The following NRIP1 variants were observed in gnomAD, a reference collection of about 807,000 sequenced individuals.
NRIP1 encodes the protein nuclear receptor interacting protein 1, also known as nuclear receptor-interacting protein 1.
Under a neutral mutation model 75.0 loss-of-function variants are expected in NRIP1, and 28 were observed. The ratio of observed to expected loss-of-function variants is 0.37; its 90% CI spans 0.28 to 0.51. NRIP1 has a LOEUF of 0.51. Among genes scored for constraint, NRIP1 ranks in the 20% least tolerant of loss-of-function variants. The pLI is 0.92. For missense variants in NRIP1, 1,435 were observed against 1,343.7 expected (o/e 1.07, Z -1.06); for synonymous variants, 526 against 487.6 (o/e 1.08, Z -1.04).
At chr21:15,050,968 T>C (rs768546454) in intron 1 of NRIP1, 4 of 450,570 alleles carry the variant, frequency 8.9e-6, no homozygotes, top group Non-Finnish European at 1.8e-5. Flanking sequence ...TACACACCTA[T>C]AGCTTATTAG....
rs533170419 is a variant in NRIP1 at position 15,025,802 on chromosome 21, G to T, written c.-457-11336C>A. Among the ~76,000 whole-genome samples, 5 of 152,238 alleles carry T rather than the reference G, an allele frequency of 3.3e-5. 1 individual carries two copies. The highest frequency in any genetic ancestry group is 2.1e-4 in the South Asian group (1 of 4,824). On this transcript the variant is annotated intron_variant, in intron 2 of 3. Coordinates refer to ENST00000318948, the MANE Select transcript of NRIP1 (RefSeq NM_003489.4). ...AACAGAAGACAACCCTAAAGGAAAA[G>T]ATATTCTACATAATTACGGGCCGAC...
rs1486673115 is a variant in NRIP1, at chr21:14,962,011, CATATTATATATATATATATATATAT to C, written c.*2680_*2704del. On this transcript the variant is annotated 3_prime_UTR_variant, in exon 4 of 4. Coordinates refer to ENST00000318948, the MANE Select transcript of NRIP1 (RefSeq NM_003489.4). Reference sequence around the variant, plus strand: ...TAACAAGTCAATATATATATATATACATATTATATATATATATATATATATATATATAAAATATATACTCTCACCA... The same window carrying C: ...TAACAAGTCAATATATATATATATACATATATAAAATATATACTCTCACCA... 1.3e-5 allele frequency: 1 copy of C among 75,924 alleles called. No individual in the cohort carries two copies. The allele number at this position is 75,924 out of a possible 1,614,324, so 4.7% of individuals were successfully genotyped here.
chr21:14,968,327 TTA>T lies in NRIP1; in HGVS notation c.-137_-136del. ...ATCGCAATCAGAGAGAGACGTACTG[TTA>T]CATTCTGTCCAAGATTTCTTCTGGC... On this transcript the variant is annotated 5_prime_UTR_variant, in exon 4 of 4. It removes the in-frame stop codon of an upstream open reading frame in the 5' UTR. Transcript: ENST00000318948. The T allele has an allele frequency of 1.5e-6, 1 of 645,360 alleles. No homozygotes were observed. Among genetic ancestry groups the T allele is most frequent in the Non-Finnish European group, 2.7e-6 (1 of 367,540 alleles). The allele number at this position is 645,360 out of a possible 1,614,324, so 40.0% of individuals were successfully genotyped here. A position where few individuals can be genotyped will look rare whatever the true frequency, so the allele number is the denominator to read the frequency against.
At position 14,961,813 on chromosome 21, in the gene NRIP1, C is replaced by CTTGCAACTGT. The variant is rs2146894233; in HGVS notation, c.*2902_*2903insACAGTTGCAA. 1 of 152,264 alleles carries CTTGCAACTGT rather than the reference C, an allele frequency of 6.6e-6. No individual in the cohort carries two copies. Among genetic ancestry groups the CTTGCAACTGT allele is most frequent in the East Asian group, 1.9e-4 (1 of 5,182 alleles). 9.4% of individuals were successfully genotyped at this position (152,264 alleles called of 1,614,324 possible). A position where few individuals can be genotyped will look rare whatever the true frequency, so the allele number is the denominator to read the frequency against. ...GTCCAGACTTGCAACTGTATACATACATGCACAACTTTTAAACCTGTCTGA... is the reference window on the plus strand; with the variant it reads ...GTCCAGACTTGCAACTGTATACATACTTGCAACTGTATGCACAACTTTTAAACCTGTCTGA... On this transcript the variant is annotated 3_prime_UTR_variant, in exon 4 of 4. Transcript: ENST00000318948.
intron 1 of NRIP1, among the ~76,000 whole-genome samples, chr21:15,044,873 C>T (rs1167843498): frequency 1.3e-5 from 2 of 151,996 alleles, no homozygotes; most frequent in Non-Finnish European, 2.9e-5. Flanking sequence ...CCTTCAATAC[C>T]CAGCATGGTG....
At chr21:14,975,933 G>GT (rs2087053244) in intron 3 of NRIP1, among the ~76,000 whole-genome samples, 1 of 151,998 alleles carries the variant, frequency 6.6e-6, no homozygotes, top group African/African-American at 2.4e-5. Flanking sequence ...GACATATATA[G>GT]TAACAGCAAG....
chr21:14,984,170 A>C (rs1186165358), intron 3 of NRIP1, among the ~76,000 whole-genome samples: 1 of 152,210 alleles, frequency 6.6e-6, no homozygotes, highest in Non-Finnish European at 1.5e-5. Context: ...GTCATTAAGA[A>C]CATTCATGAT....
Position 14,966,126 on chromosome 21 carries a change from A to T in NRIP1, c.2067T>A (p.Ser689Arg). The change falls in exon 4 of 4, where the codon AGT (serine) becomes AGA (arginine). Residue 689 changes from serine to arginine, a missense_variant. Coordinates refer to ENST00000318948, the MANE Select transcript of NRIP1 (RefSeq NM_003489.4). ...NAVEENKAFS[S>R]QPTGPEPGLS... ...GCCCTGGTTCAGGACCTGTTGGTTG[A>T]CTACTAAATGCTTTATTTTCTTCAA... is the stretch of plus-strand genomic sequence containing the variant. 6.2e-7 allele frequency: 1 copy of T among 1,612,648 alleles called. No homozygotes were observed. The highest frequency in any genetic ancestry group is 8.5e-7 in the Non-Finnish European group (1 of 1,179,914).
At chr21:14,996,874 A>G (rs1225605458) in intron 3 of NRIP1, among the ~76,000 whole-genome samples, 1 of 151,818 alleles carries the variant, frequency 6.6e-6, no homozygotes, top group Non-Finnish European at 1.5e-5. Flanking sequence ...TAAACCAAAT[A>G]AAGATGCTTA....
chr21:14,992,466 C>T (rs2087600544), intron 3 of NRIP1: 1 of 152,082 alleles, frequency 6.6e-6, no homozygotes, highest in South Asian at 2.1e-4. Flanking sequence ...GTTAAGTGTC[C>T]ACATTCCGTT....
At chr21:15,047,914 A>G (rs1161527221) in intron 1 of NRIP1, among the ~76,000 whole-genome samples, 1 of 152,234 alleles carries the variant, frequency 6.6e-6, no homozygotes. Flanking sequence ...CTCTTGATTT[A>G]AAGTAAGAGA....
In NRIP1 at chr21:14,965,423, T is replaced by C. The variant is rs758512704; in HGVS notation, c.2770A>G (p.Arg924Gly). The change falls in exon 4 of 4, where the codon AGG (arginine) becomes GGG (glycine). Residue 924 changes from arginine (R) to glycine (G), a missense_variant. Arg to Gly is a moderately radical substitution (Grantham distance 125, BLOSUM62 -2). Coordinates refer to ENST00000318948, the MANE Select transcript of NRIP1 (RefSeq NM_003489.4). ...CTTTTGCTCTCTCTGGCCCAACTCC[T>C]GTGTTCACTTTCGCTGGCTGAGCCA... is the stretch of plus-strand genomic sequence containing the variant. The part of the protein sequence containing the change: ...GHGSASESEH[R>G]SWARESKSFN... The C allele has an allele frequency of 6.8e-6, 11 of 1,613,906 alleles. No individual in the cohort carries two copies. In the South Asian group the frequency reaches 1.1e-4, roughly 16 times the overall value.
At chr21:15,015,821 T>C (rs750767301) in intron 2 of NRIP1, among the ~76,000 whole-genome samples, 3 of 152,238 alleles carry the variant, frequency 2.0e-5, no homozygotes, top group Admixed American at 6.5e-5. Context: ...TTTTTGCTGA[T>C]TTGCATTTTC....
chr21:15,062,274 A>G (rs1464131878), intron 1 of NRIP1, among the ~76,000 whole-genome samples: 1 of 152,200 alleles, frequency 6.6e-6, no homozygotes, highest in East Asian at 1.9e-4. Context: ...ATTCACATTG[A>G]TTTTACTCTT....
intron 2 of NRIP1, among the ~76,000 whole-genome samples, chr21:15,016,025 G>C (rs979065156): frequency 6.6e-6 from 1 of 152,168 alleles, no homozygotes; most frequent in Non-Finnish European, 1.5e-5. Flanking sequence ...ATAGCTGTGG[G>C]AAAGAGACAG....
At chr21:15,008,366 C>T (rs183109081) in intron 3 of NRIP1, among the ~76,000 whole-genome samples, 4 of 152,134 alleles carry the variant, frequency 2.6e-5, no homozygotes, top group South Asian at 2.1e-4. Flanking sequence ...CTTTTTTAAA[C>T]GACCAAACCT....
intron 1 of NRIP1, chr21:15,050,116 G>T (rs1329666362): frequency 6.6e-6 from 1 of 152,480 alleles, no homozygotes; most frequent in Non-Finnish European, 1.5e-5. Context: ...CCACATCTTG[G>T]TATTTTAATT....
intron 2 of NRIP1, among the ~76,000 whole-genome samples, chr21:15,022,312 C>G (rs2088396314): frequency 6.6e-6 from 1 of 152,268 alleles, no homozygotes; most frequent in African/African-American, 2.4e-5. Context: ...TATGTTGTCA[C>G]TTAAAAGTGG....
At chr21:15,053,815 T>C (rs1452867433) in intron 1 of NRIP1, among the ~76,000 whole-genome samples, 3 of 152,226 alleles carry the variant, frequency 2.0e-5, no homozygotes, top group Admixed American at 6.5e-5. Flanking sequence ...CAAATACTCA[T>C]GAAGTTACCT....
Sources: gnomAD v4.1 joint callset for allele counts (sites outside exome capture counted in the v4.1 genomes callset) on GRCh38, gnomAD v4.1.1 for gene constraint, MANE v1.5 for transcripts, NCBI Gene and HGNC (gene_info 2026-07-23, HGNC 2026-07-21) for gene names.